Variants in CDK19 observed in about 807,000 individuals in gnomAD.
The protein encoded by CDK19 is cyclin-dependent kinase 19.
In CDK19, 20 loss-of-function variants were observed where a neutral mutation model predicts 68.3. The observed-to-expected ratio is 0.29, with a 90% CI of 0.21 to 0.43. CDK19 has a LOEUF of 0.43. Ranked by LOEUF, CDK19 falls within the 20% of genes least tolerant of loss-of-function variation. CDK19 has a pLI of 1.00. For missense variants in CDK19, 339 were observed against 623.5 expected (o/e 0.54, Z 4.86); for synonymous variants, 221 against 222.8 (o/e 0.99, Z 0.07).
intron 2 of CDK19, among the ~76,000 whole-genome samples, chr6:110,704,351 C>T (rs1309951497): frequency 1.3e-5 from 2 of 152,118 alleles, no homozygotes; most frequent in South Asian, 4.1e-4. Context: ...ATTTCATGAA[C>T]CCCAATGTCA....
intron 2 of CDK19, among the ~76,000 whole-genome samples, chr6:110,694,049 A>G (rs1389052404): frequency 6.7e-6 from 1 of 149,892 alleles, no homozygotes; most frequent in East Asian, 2.0e-4. Flanking sequence ...TAAATCTCAC[A>G]GGGCCTACAA....
intron 1 of CDK19, among the ~76,000 whole-genome samples, chr6:110,789,423 C>A (rs1424096863): frequency 1.3e-5 from 2 of 152,090 alleles, no homozygotes; most frequent in Non-Finnish European, 1.5e-5. Context: ...GGACTACAGG[C>A]ATGCACCACC....
intron 1 of CDK19, among the ~76,000 whole-genome samples, chr6:110,748,036 T>C (rs1391912409): frequency 6.6e-6 from 1 of 152,380 alleles, no homozygotes; most frequent in East Asian, 1.9e-4. Context: ...TTAAGTTTGA[T>C]GTATTCTTGA....
intron 2 of CDK19, among the ~76,000 whole-genome samples, chr6:110,726,229 TG>T (rs1235870648): frequency 2.6e-5 from 4 of 152,164 alleles, no homozygotes; most frequent in Admixed American, 6.6e-5. Flanking sequence ...TTTCTGTAGA[TG>T]GGAAGGAAAG....
intron 4 of CDK19, among the ~76,000 whole-genome samples, chr6:110,661,698 C>T (rs758780587): frequency 3.9e-5 from 6 of 152,104 alleles, no homozygotes; most frequent in African/African-American, 1.4e-4. Flanking sequence ...TTCGGATAGA[C>T]CTCTAATAGA....
intron 1 of CDK19, among the ~76,000 whole-genome samples, chr6:110,788,524 C>G (rs1180624917): frequency 6.6e-6 from 1 of 152,160 alleles, no homozygotes; most frequent in South Asian, 2.1e-4. Flanking sequence ...CCATAAAATT[C>G]TCCAGCTTTA....
Position 110,621,222 on chromosome 6 carries a change from C to G in CDK19, c.1259G>C (p.Gly420Ala). The G allele has an allele frequency of 6.2e-7, 1 of 1,613,460 alleles. No individual in the cohort carries two copies. The highest frequency in any genetic ancestry group is 8.5e-7 in the Non-Finnish European group (1 of 1,180,010). Reference sequence around the variant, plus strand: ...GTCCTGGCTGTGCTGCAACCCTGCTCCGGTGCCCCCGACCCCGGCCCCAGC... The same window carrying G: ...GTCCTGGCTGTGCTGCAACCCTGCTGCGGTGCCCCCGACCCCGGCCCCAGC... ...GGAGAGVGGT[G>A]AGLQHSQDSS... Residue 420 changes from glycine to alanine, a missense_variant, in exon 12 of 13, where the codon GGA (glycine) becomes GCA (alanine). Gly to Ala is a moderately conservative substitution (Grantham distance 60). Around this residue, in one of 4 missense-constraint regions of CDK19, gnomAD observed 155 missense variants for 222.7 expected, o/e 0.70. Coordinates refer to ENST00000368911, the MANE Select transcript of CDK19 (RefSeq NM_015076.5). This position sits in a 1 kb window ranked among gnomAD's most constrained non-coding sequence, Gnocchi z 5.4.
At chr6:110,644,309 A>T (rs1009800946) in intron 4 of CDK19, among the ~76,000 whole-genome samples, 35 of 151,994 alleles carry the variant, frequency 2.3e-4, no homozygotes, top group African/African-American at 5.3e-4. Context: ...AAAAAAAATT[A>T]AAAAAATTGA....
chr6:110,813,187 G>A (rs1783250618), intron 1 of CDK19: 1 of 151,630 alleles, frequency 6.6e-6, no homozygotes, highest in South Asian at 2.1e-4. Flanking sequence ...TTTATTAGAG[G>A]GGAAAAATAT....
At chr6:110,629,817 G>A (rs1174832983) in intron 6 of CDK19, among the ~76,000 whole-genome samples, 2 of 152,116 alleles carry the variant, frequency 1.3e-5, no homozygotes, top group African/African-American at 4.8e-5. Flanking sequence ...CTTCTATCCA[G>A]AATGGATAAT....
intron 1 of CDK19, among the ~76,000 whole-genome samples, chr6:110,804,002 G>A (rs886095005): frequency 3.9e-5 from 6 of 151,974 alleles, no homozygotes; most frequent in Non-Finnish European, 5.9e-5. Flanking sequence ...AATACAGAAC[G>A]AAAAGAAAAG....
intron 1 of CDK19, chr6:110,813,266 A>C (rs1173931628): frequency 6.6e-6 from 1 of 152,142 alleles, no homozygotes; most frequent in African/African-American, 2.4e-5. Context: ...TACAATTCAG[A>C]AGCAGAATTT....
intron 2 of CDK19, among the ~76,000 whole-genome samples, chr6:110,675,572 A>G (rs1022529126): frequency 2.8e-5 from 4 of 145,272 alleles, no homozygotes; most frequent in Non-Finnish European, 6.0e-5. Context: ...AGTTGTGGTG[A>G]GCCAAGATCG....
At chr6:110,729,622 T>TTC (rs1554213575) in intron 2 of CDK19, among the ~76,000 whole-genome samples, 1 of 147,970 alleles carries the variant, frequency 6.8e-6, no homozygotes, top group Non-Finnish European at 1.5e-5. Context: ...TTTTTTTTTT[T>TTC]AGTAGAGATG....
intron 6 of CDK19, among the ~76,000 whole-genome samples, chr6:110,629,103 G>GACT (rs1276399699): frequency 6.6e-6 from 1 of 152,032 alleles, no homozygotes; most frequent in Non-Finnish European, 1.5e-5. Context: ...AGTATACCAG[G>GACT]ACTACTACTG....
In CDK19 at chr6:110,674,254, C is replaced by T. The variant is rs762150394; in HGVS notation, c.205-3713G>A. ...GTTCCCCCATCTTTCTCCCTCTCTT[C>T]GGGCCTCTCTATTGTCTGAGAAACA... On this transcript the variant is annotated intron_variant, in intron 2 of 12. Transcript: ENST00000368911. Among the ~76,000 whole-genome samples the T allele has an allele frequency of 3.9e-5, 6 of 152,172 alleles. No individual in the cohort carries two copies. The South Asian group carries it at 6.2e-4, about 16-fold the overall frequency.
At chr6:110,782,444 T>C (rs937403432) in intron 1 of CDK19, among the ~76,000 whole-genome samples, 1 of 152,202 alleles carries the variant, frequency 6.6e-6, no homozygotes, top group Non-Finnish European at 1.5e-5. Flanking sequence ...AAACAGGTCC[T>C]CGTCATTCCT....
rs2114531554 is a variant in CDK19 at position 110,611,956 on chromosome 6, T to C, written c.*2579A>G. The stretch of plus-strand genomic sequence containing the variant: ...CAGTCATGTGTGGAATGGAGATTTC[T>C]GGCTATGTCCTGGAGGATATTGTAT... On this transcript the variant is annotated 3_prime_UTR_variant, in exon 13 of 13. Transcript: ENST00000368911. 6.6e-6 allele frequency: 1 copy of C among 152,340 alleles called. No individual in the cohort carries two copies. Among genetic ancestry groups the C allele is most frequent in the South Asian group, 2.1e-4 (1 of 4,832 alleles). The allele number at this position is 152,340 out of a possible 1,614,324, so 9.4% of individuals were successfully genotyped here. A position where few individuals can be genotyped will look rare whatever the true frequency, so the allele number is the denominator to read the frequency against.
At chr6:110,703,495 C>CA (rs1430010695) in intron 2 of CDK19, among the ~76,000 whole-genome samples, 4 of 151,554 alleles carry the variant, frequency 2.6e-5, no homozygotes, top group Admixed American at 6.6e-5. Context: ...AATTCAGAGG[C>CA]AAAACTCTAA....
Sources: gnomAD v4.1 joint callset for allele counts (sites outside exome capture counted in the v4.1 genomes callset) on GRCh38, gnomAD v4.1.1 for gene constraint, gnomAD v4.1.1 regional missense constraint, Gnocchi (gnomAD v3.1) non-coding constraint, MANE v1.5 for transcripts, NCBI Gene and HGNC (gene_info 2026-07-23, HGNC 2026-07-21) for gene names.